FAM107B: variants seen among roughly 807,000 people sequenced by gnomAD.
The protein encoded by FAM107B is family with sequence similarity 107 member B, also known as protein FAM107B.
In FAM107B, 21 loss-of-function variants were observed where a neutral mutation model predicts 31.5. That is an observed-to-expected ratio of 0.67 (90% CI 0.47 to 0.96). The LOEUF (loss-of-function observed/expected upper bound fraction) is 0.96, where lower values mean the gene tolerates loss of function less well. FAM107B is among the 40% of genes least tolerant of loss of function. The pLI is 0.00. For synonymous variants in FAM107B, 157 were observed against 141.5 expected (o/e 1.11, Z -0.78); for missense variants, 452 against 377.1 (o/e 1.20, Z -1.64).
intron 1 of FAM107B, among the ~76,000 whole-genome samples, chr10:14,752,363 A>C (rs999910720): frequency 6.6e-6 from 1 of 152,200 alleles, no homozygotes; most frequent in Non-Finnish European, 1.5e-5. Flanking sequence ...CCAGCTTTGC[A>C]GTTTCTCGAT....
At chr10:14,718,375 A>AGAAAGAAAG (rs201050989) in intron 1 of FAM107B, among the ~76,000 whole-genome samples, 2 of 149,750 alleles carry the variant, frequency 1.3e-5, no homozygotes, top group South Asian at 2.1e-4. Flanking sequence ...GGGAAAGAAA[A>AGAAAGAAAG]GAAAGAAAGG....
chr10:14,582,942 C>T (rs1008450030), intron 2 of FAM107B, among the ~76,000 whole-genome samples: 18 of 152,028 alleles, frequency 1.2e-4, no homozygotes, highest in East Asian at 1.2e-3. Context: ...AAAAATTAGC[C>T]GGGCAGAGTG....
At chr10:14,699,037 C>T (rs1855332272) in intron 1 of FAM107B, among the ~76,000 whole-genome samples, 1 of 149,958 alleles carries the variant, frequency 6.7e-6, no homozygotes, top group South Asian at 2.1e-4. Context: ...GAGTGGGTAC[C>T]CTGCGAGCAG....
At chr10:14,548,004 T>A (rs1471669382) in intron 2 of FAM107B, among the ~76,000 whole-genome samples, 1 of 152,202 alleles carries the variant, frequency 6.6e-6, no homozygotes, top group East Asian at 1.9e-4. Flanking sequence ...CACTTCCCTC[T>A]CTTCAGACCA....
intron 2 of FAM107B, among the ~76,000 whole-genome samples, chr10:14,583,106 AAAAG>A (rs1201975220): frequency 4.7e-4 from 71 of 151,156 alleles, no homozygotes; most frequent in Middle Eastern, 3.4e-3. Context: ...AAAAAAAAAG[AAAAG>A]AAAGAAAGAA....
intron 2 of FAM107B, among the ~76,000 whole-genome samples, chr10:14,631,108 A>G (rs948128529): frequency 4.6e-5 from 7 of 152,136 alleles, no homozygotes; most frequent in African/African-American, 1.7e-4. Flanking sequence ...AAACCTTTCT[A>G]TTGGGATAAA....
At chr10:14,744,282 T>C (rs778738769) in intron 1 of FAM107B, among the ~76,000 whole-genome samples, 1 of 152,184 alleles carries the variant, frequency 6.6e-6, no homozygotes, top group Non-Finnish European at 1.5e-5. Flanking sequence ...TATAGGATCA[T>C]GTCATCTGCA....
chr10:14,703,881 G>A (rs1588716888), intron 1 of FAM107B, among the ~76,000 whole-genome samples: 2 of 152,134 alleles, frequency 1.3e-5, no homozygotes, highest in East Asian at 3.8e-4. Context: ...TTTCTCCCCA[G>A]GTTCTGCAGC....
At chr10:14,604,436 C>G (rs947610318) in intron 2 of FAM107B, 29 of 168,628 alleles carry the variant, frequency 1.7e-4, no homozygotes, top group Admixed American at 1.1e-3. Flanking sequence ...AATTAAGCGG[C>G]GGGGCGGGGA....
chr10:14,774,343 A>C lies in FAM107B; in HGVS notation c.321T>G (p.Asp107Glu). The C allele has an allele frequency of 6.2e-7, 1 of 1,614,218 alleles. No individual in the cohort carries two copies. The highest frequency in any genetic ancestry group is 2.2e-5 in the East Asian group (1 of 44,878). The change falls in exon 1 of 5, where the codon GAT becomes GAG. Residue 107 changes from aspartate to glutamate, a missense_variant. Asp to Glu is a conservative substitution (Grantham distance 45). Transcript: ENST00000181796. ...CCCCATCATCCAGGGACCCGGGCAC[A>C]TCTTCAGGCGTCTCCGCGGGCTGGG... ...TAAQPAETPE[D>E]VPGSLDDGAD... is the part of the protein sequence containing the mutation.
chr10:14,691,965 C>G (rs188913590), intron 1 of FAM107B, among the ~76,000 whole-genome samples: 10 of 151,758 alleles, frequency 6.6e-5, no homozygotes, highest in African/African-American at 2.2e-4. Flanking sequence ...GAGCGAAGAC[C>G]CCATGCTTCT....
chr10:14,609,369 C>T (rs1852671989), intron 2 of FAM107B, among the ~76,000 whole-genome samples: 3 of 152,146 alleles, frequency 2.0e-5, no homozygotes, highest in African/African-American at 4.8e-5. Context: ...GCTCAAGGTC[C>T]TCTTCTAAGG....
At chr10:14,772,613 G>A (rs1049589258) in intron 1 of FAM107B, among the ~76,000 whole-genome samples, 4 of 152,014 alleles carry the variant, frequency 2.6e-5, no homozygotes, top group Non-Finnish European at 1.5e-5. Context: ...CAACTGCCGC[G>A]TGTCCTGCCT....
At chr10:14,554,239 C>T (rs780867334) in intron 2 of FAM107B, 76 of 752,460 alleles carry the variant, frequency 1.0e-4, no homozygotes, top group Non-Finnish European at 1.2e-4. Context: ...TACTTCCCAC[C>T]TACCTTATGG....
At chr10:14,635,674 C>G (rs548445159) in intron 2 of FAM107B, among the ~76,000 whole-genome samples, 8 of 152,208 alleles carry the variant, frequency 5.3e-5, no homozygotes, top group African/African-American at 1.9e-4. Flanking sequence ...TTCTGTCACC[C>G]AGGCTGGAGT....
In FAM107B at chr10:14,632,072, G is replaced by A. The variant is rs1185209723; in HGVS notation, c.469+35562C>T. ...CAGCACTTTGGGAGGCCAGGCAGGC[G>A]GACCACCTGAGGTCAGGAGTTCAAG... is the stretch of plus-strand genomic sequence containing the variant. On this transcript the variant is annotated intron_variant, in intron 2 of 4. Transcript: ENST00000181796. Among the ~76,000 whole-genome samples, 8 of 148,608 alleles carry A rather than the reference G, an allele frequency of 5.4e-5. 1 individual carries two copies. In the South Asian group the frequency reaches 6.5e-4, roughly 12 times the overall value.
At chr10:14,648,163 T>C (rs1339903916) in intron 2 of FAM107B, among the ~76,000 whole-genome samples, 1 of 152,138 alleles carries the variant, frequency 6.6e-6, no homozygotes, top group Non-Finnish European at 1.5e-5. Context: ...AAGAAGGAAG[T>C]GTCATCTGAG....
chr10:14,604,094 C>G (rs1038121624), intron 2 of FAM107B: 1 of 416,100 alleles, frequency 2.4e-6, no homozygotes, highest in Non-Finnish European at 3.2e-6. Context: ...CGTACGCCCG[C>G]TGCCCTCCCG....
intron 2 of FAM107B, among the ~76,000 whole-genome samples, chr10:14,567,782 AG>A (rs1850804613): frequency 6.6e-6 from 1 of 152,202 alleles, no homozygotes; most frequent in Non-Finnish European, 1.5e-5. Context: ...GAAGGACAGA[AG>A]CTTCTGGTGA....
Sources: allele counts gnomAD v4.1 joint callset (sites outside exome capture counted in the v4.1 genomes callset), GRCh38; gene constraint gnomAD v4.1.1; transcripts MANE v1.5; gene names NCBI Gene and HGNC (gene_info 2026-07-23, HGNC 2026-07-21).